The following IFT81 variants were observed in gnomAD, a reference collection of about 807,000 sequenced individuals.
IFT81 encodes the protein intraflagellar transport protein 81 homolog.
A neutral mutation model predicts 102.6 loss-of-function variants in IFT81; 72 were observed. That is an observed-to-expected ratio of 0.70 (90% CI 0.58 to 0.85). The LOEUF (loss-of-function observed/expected upper bound fraction) is 0.85, where lower values mean the gene tolerates loss of function less well. IFT81 is among the 40% of genes least tolerant of loss of function. The pLI is 0.00. For synonymous variants in IFT81, 237 were observed against 242.7 expected, an observed-to-expected ratio of 0.98 and a Z score of 0.22; for missense variants, 723 against 787.3, an observed-to-expected ratio of 0.92 and a Z score of 0.98.
At chr12:110,197,248 GTAGATAGA>G (rs57797208) in intron 14 of IFT81, among the ~76,000 whole-genome samples, 12,175 of 147,054 alleles carry the variant, frequency 0.083, 541 homozygotes, top group Middle Eastern at 0.12. Flanking sequence ...AGGTAGGTAG[GTAGATAGA>G]TAGATAGATA....
chr12:110,212,502 C>T (rs973280389), intron 18 of IFT81, among the ~76,000 whole-genome samples: 2 of 149,676 alleles, frequency 1.3e-5, no homozygotes, highest in Non-Finnish European at 3.0e-5. Context: ...CACGCCACTG[C>T]ACTCCAGCCT....
At position 110,203,797 on chromosome 12, in the gene IFT81, T is replaced by C; in HGVS notation, c.1558-67T>C. The C allele has an allele frequency of 2.9e-6, 3 of 1,026,068 alleles. No individual in the cohort carries two copies. In the Admixed American group the frequency reaches 5.2e-5, roughly 18 times the overall value. The allele number at this position is 1,026,068 out of a possible 1,614,324, so 63.6% of individuals were successfully genotyped here. A position where few individuals can be genotyped will look rare whatever the true frequency, so the allele number is the denominator to read the frequency against. On this transcript the variant is annotated intron_variant, in intron 14 of 18. Coordinates refer to ENST00000242591, the MANE Select transcript of IFT81 (RefSeq NM_014055.4). ...GTTACAAGACTGACAAGGGCATGCA[T>C]TGTTTCAGAGCCATGTTTGGGACCT...
intron 14 of IFT81, among the ~76,000 whole-genome samples, chr12:110,195,435 C>T (rs928095572): frequency 6.6e-5 from 10 of 152,116 alleles, no homozygotes; most frequent in Non-Finnish European, 1.2e-4. Context: ...ACCTTGAATA[C>T]ACTTATAGTA....
chr12:110,131,898 G>A (rs1352239207), intron 4 of IFT81, among the ~76,000 whole-genome samples: 3 of 152,116 alleles, frequency 2.0e-5, no homozygotes, highest in African/African-American at 7.2e-5. Context: ...AGGATGAAAA[G>A]GAGTTGCTTA....
intron 17 of IFT81, among the ~76,000 whole-genome samples, chr12:110,208,480 T>C (rs1868976749): frequency 6.6e-6 from 1 of 152,072 alleles, no homozygotes. Flanking sequence ...CACTCCAACC[T>C]GGGCAACAGA....
At chr12:110,166,587 T>C (rs900622788) in intron 11 of IFT81, among the ~76,000 whole-genome samples, 9 of 151,990 alleles carry the variant, frequency 5.9e-5, no homozygotes, top group African/African-American at 1.9e-4. Flanking sequence ...GAAGTAAATA[T>C]TACCTCCATT....
At chr12:110,132,972 T>C (rs999761269) in intron 5 of IFT81, among the ~76,000 whole-genome samples, 15 of 49,546 alleles carry the variant, frequency 3.0e-4, no homozygotes, top group Non-Finnish European at 4.7e-4. Flanking sequence ...TTCTCTCTCT[T>C]TTTTTTTTTT....
chr12:110,135,591 G>A (rs529728499), intron 7 of IFT81, among the ~76,000 whole-genome samples, 154 bp downstream of exon 7: 3 of 152,136 alleles, frequency 2.0e-5, no homozygotes, highest in Non-Finnish European at 2.9e-5. Context: ...ATTTCAGGCC[G>A]GGTGCAGTGG....
At chr12:110,187,068 T>C (rs978523509) in intron 12 of IFT81, among the ~76,000 whole-genome samples, 1 of 152,206 alleles carries the variant, frequency 6.6e-6, no homozygotes, top group South Asian at 2.1e-4. Flanking sequence ...TAGTCTGTTA[T>C]TTAATTCATT....
At chr12:110,167,847 CTTTT>C (rs746060315) in intron 11 of IFT81, 462 of 226,762 alleles carry the variant, frequency 2.0e-3, no homozygotes, top group South Asian at 3.6e-3. Context: ...ATTTAGGTTT[CTTTT>C]TTTTTTTTTT....
At chr12:110,143,605 T>C (rs748149875) in intron 9 of IFT81, 60 bp downstream of exon 9, 1 of 1,340,090 alleles carries the variant, frequency 7.5e-7, no homozygotes, top group Non-Finnish European at 1.0e-6. Context: ...TCCTATAAAA[T>C]TATGTGAACT....
intron 10 of IFT81, among the ~76,000 whole-genome samples, chr12:110,151,634 CA>C (rs1447970140): frequency 6.6e-6 from 1 of 152,148 alleles, no homozygotes; most frequent in Admixed American, 6.5e-5. Context: ...AACTAATAAA[CA>C]TATGCATTAC....
intron 14 of IFT81, among the ~76,000 whole-genome samples, chr12:110,196,630 A>G (rs1898012995): frequency 6.6e-6 from 1 of 152,210 alleles, no homozygotes; most frequent in Non-Finnish European, 1.5e-5. Flanking sequence ...CAAGAGGATG[A>G]CTTGAGCCTA....
rs771752981 is a variant in IFT81, at chr12:110,205,480, A to T, written c.1682A>T (p.Glu561Val). Residue 561 changes from glutamate (E) to valine (V), a missense_variant, in exon 16 of 19, where the codon GAA (glutamate) becomes GTA (valine). Physicochemically the swap from Glu to Val is moderately radical, Grantham distance 121 (BLOSUM62 -2). Transcript: ENST00000242591. Reference protein sequence around the residue: ...RRLREECLQEESRYHYTNCMI... With the variant: ...RRLREECLQEVSRYHYTNCMI... ...CTCCGTGAAGAATGTCTTCAAGAAGAAAGTAGATACCATTATACAAATTGT... is the reference window on the plus strand; with the variant it reads ...CTCCGTGAAGAATGTCTTCAAGAAGTAAGTAGATACCATTATACAAATTGT... The T allele has an allele frequency of 6.2e-7, 1 of 1,604,144 alleles. No homozygotes were observed. Among genetic ancestry groups the T allele is most frequent in the Admixed American group, 1.7e-5 (1 of 57,912 alleles).
chr12:110,129,852 A>T (rs867470191), intron 4 of IFT81, among the ~76,000 whole-genome samples: 10 of 144,826 alleles, frequency 6.9e-5, no homozygotes, highest in African/African-American at 2.9e-4. Context: ...TTTTTTTTTA[A>T]AAAGTGCTTC....
chr12:110,172,282 T>TTGCCTC (rs1042366244), intron 11 of IFT81, among the ~76,000 whole-genome samples: 14 of 151,660 alleles, frequency 9.2e-5, no homozygotes, highest in Admixed American at 3.3e-4. Flanking sequence ...ATAGAAAAAT[T>TTGCCTC]TGCCTCTGCC....
At chr12:110,132,480 G>T in intron 4 of IFT81, 67 bp from the exon 5 acceptor site, 66 of 584,416 alleles carry the variant, frequency 1.1e-4, no homozygotes, top group Middle Eastern at 4.6e-4. Context: ...AAAAAAGAAA[G>T]AAAGAAAGAA....
chr12:110,183,906 C>T (rs1325053487), intron 12 of IFT81, among the ~76,000 whole-genome samples: 2 of 152,138 alleles, frequency 1.3e-5, no homozygotes, highest in Admixed American at 1.3e-4. Flanking sequence ...GAATATTTGC[C>T]TAGACTAAGA....
chr12:110,129,459 T>C (rs1248674221), intron 4 of IFT81, among the ~76,000 whole-genome samples: 1 of 152,128 alleles, frequency 6.6e-6, no homozygotes, highest in African/African-American at 2.4e-5. Flanking sequence ...GGTGACTACA[T>C]AGTTTTTTAT....
Sources: gnomAD v4.1 joint callset for allele counts (sites outside exome capture counted in the v4.1 genomes callset) on GRCh38, gnomAD v4.1.1 for gene constraint, MANE v1.5 for transcripts, NCBI Gene and HGNC (gene_info 2026-07-23, HGNC 2026-07-21) for gene names.